Variants in GPC6 observed in about 807,000 individuals in gnomAD.
The protein encoded by GPC6 is glypican-6.
A neutral mutation model predicts 55.2 loss-of-function variants in GPC6; 14 were observed. The observed-to-expected ratio is 0.25, with a 90% confidence interval of 0.17 to 0.40. The LOEUF is 0.40. Ranked by LOEUF, GPC6 falls within the 10% of genes least tolerant of loss-of-function variation. The pLI is 1.00. For synonymous variants in GPC6, 278 were observed against 259.6 expected, an observed-to-expected ratio of 1.07 and a Z score of -0.68; for missense variants, 641 against 708.5, an observed-to-expected ratio of 0.90 and a Z score of 1.08.
intron 3 of GPC6, among the ~76,000 whole-genome samples, chr13:94,026,124 A>C (rs995242189): frequency 6.6e-5 from 10 of 152,202 alleles, no homozygotes; most frequent in Admixed American, 4.6e-4. Context: ...TGGAAAGAAA[A>C]TGCAAAAAAA....
chr13:94,224,456 C>A (rs1048565245), intron 4 of GPC6, among the ~76,000 whole-genome samples: 1 of 151,938 alleles, frequency 6.6e-6, no homozygotes, highest in Non-Finnish European at 1.5e-5. Context: ...GGGAATTAAA[C>A]CATGTCCATG....
At chr13:93,234,911 T>A (rs1193241977) in intron 1 of GPC6, among the ~76,000 whole-genome samples, 1 of 152,170 alleles carries the variant, frequency 6.6e-6, no homozygotes, top group Non-Finnish European at 1.5e-5. Context: ...TCAAATAGGA[T>A]CAGATGAATT....
In GPC6 at chr13:94,144,404, AACACACAC is replaced by A. The variant is rs59772537; in HGVS notation, c.877+116543_877+116550del. Among the ~76,000 whole-genome samples, 356 of 143,152 alleles carry A rather than the reference AACACACAC, an allele frequency of 2.5e-3. 3 individuals are homozygous for A. Among genetic ancestry groups the A allele is most frequent in the African/African-American group, 3.8e-3 (147 of 38,502 alleles). 93.9% of individuals were successfully genotyped at this position (143,152 alleles called of 152,430 possible). A position where few individuals can be genotyped will look rare whatever the true frequency, so the allele number is the denominator to read the frequency against. ...CTCTTTGCCTCTTAGGTGCTTTTAA[AACACACAC>A]ACACACACACACACACACACACACA... is the stretch of plus-strand genomic sequence containing the variant. On this transcript the variant is annotated intron_variant, in intron 4 of 8. Coordinates refer to ENST00000377047, the MANE Select transcript of GPC6 (RefSeq NM_005708.5).
intron 3 of GPC6, among the ~76,000 whole-genome samples, chr13:93,886,088 G>A (rs1168842855): frequency 6.6e-6 from 1 of 152,008 alleles, no homozygotes; most frequent in East Asian, 1.9e-4. Flanking sequence ...ATAAAATATT[G>A]AATTTAAGTA....
chr13:93,651,522 A>G (rs1880407517), intron 2 of GPC6, among the ~76,000 whole-genome samples: 1 of 152,136 alleles, frequency 6.6e-6, no homozygotes, highest in East Asian at 1.9e-4. Flanking sequence ...TCCTGCCTGC[A>G]AATACCTCCT....
At chr13:93,407,523 T>TA in intron 1 of GPC6, among the ~76,000 whole-genome samples, 1 of 152,294 alleles carries the variant, frequency 6.6e-6, no homozygotes, top group Non-Finnish European at 1.5e-5. Flanking sequence ...GCTGCATTTC[T>TA]AAAAAGGCAC....
At chr13:93,883,806 G>A (rs1397656949) in intron 3 of GPC6, among the ~76,000 whole-genome samples, 1 of 151,884 alleles carries the variant, frequency 6.6e-6, no homozygotes, top group African/African-American at 2.4e-5. Flanking sequence ...ATATAACTTG[G>A]CTCTCTATGA....
At chr13:94,333,110 A>C (rs1308612069) in intron 6 of GPC6, among the ~76,000 whole-genome samples, 1 of 152,150 alleles carries the variant, frequency 6.6e-6, no homozygotes, top group East Asian at 1.9e-4. Flanking sequence ...TACCCTCTTA[A>C]TATAGTGCTG....
chr13:93,437,091 G>T (rs935429747), intron 1 of GPC6, among the ~76,000 whole-genome samples: 1 of 152,058 alleles, frequency 6.6e-6, no homozygotes, highest in South Asian at 2.1e-4. Flanking sequence ...TATTGTAATT[G>T]TCTTGGAGCA....
intron 4 of GPC6, among the ~76,000 whole-genome samples, chr13:94,266,447 C>G (rs1360266982): frequency 1.3e-5 from 2 of 152,172 alleles, no homozygotes; most frequent in African/African-American, 4.8e-5. Flanking sequence ...GGATTACAGG[C>G]GTGAGCCACC....
chr13:93,373,965 T>C (rs1874780936), intron 1 of GPC6, among the ~76,000 whole-genome samples: 1 of 152,208 alleles, frequency 6.6e-6, no homozygotes, highest in Admixed American at 6.5e-5. Flanking sequence ...GAGCCCTGTA[T>C]AGTGATTTCT....
chr13:94,067,578 TATAGATAGATAG>T (rs5805846), intron 4 of GPC6, among the ~76,000 whole-genome samples: 4,025 of 147,668 alleles, frequency 0.027, 186 homozygotes, highest in African/African-American at 0.09. Flanking sequence ...ATAGATAGAT[TATAGATAGATAG>T]ATAGATAGAT....
rs1883707996 is a variant in GPC6 at position 94,045,721 on chromosome 13, A to G, written c.877+17827A>G. Among the ~76,000 whole-genome samples the G allele has an allele frequency of 4.0e-5, 6 of 150,122 alleles. No individual in the cohort carries two copies. In the South Asian group the frequency reaches 1.3e-3, roughly 32 times the overall value. ...CACTTGTTAGCAATATAGAAACCAG[A>G]GGCTTCCAGCATTCATGGATTTTCA... On this transcript the variant is annotated intron_variant, in intron 4 of 8. Coordinates refer to ENST00000377047, the MANE Select transcript of GPC6 (RefSeq NM_005708.5).
chr13:94,185,891 T>A (rs1889164768), intron 4 of GPC6, among the ~76,000 whole-genome samples: 1 of 151,610 alleles, frequency 6.6e-6, no homozygotes, highest in African/African-American at 2.4e-5. Context: ...AAACCCTGTC[T>A]CTACTAAAAA....
At position 93,337,534 on chromosome 13, in the gene GPC6, G is replaced by T. The variant is rs533495511; in HGVS notation, c.160+109918G>T. On this transcript the variant is annotated intron_variant, in intron 1 of 8. Coordinates refer to ENST00000377047, the MANE Select transcript of GPC6 (RefSeq NM_005708.5). ...AAAAAGAAAAAAATCAGAGGCACGA[G>T]ATATTCAATAATTTGTCTAAGGCCA... is the stretch of plus-strand genomic sequence containing the variant. 1.1e-4 allele frequency among the ~76,000 whole-genome samples: 16 copies of T among 152,088 alleles called. No individual in the cohort carries two copies. The South Asian group carries it at 1.5e-3, about 14-fold the overall frequency.
At chr13:93,963,332 G>T (rs1468082400) in intron 3 of GPC6, among the ~76,000 whole-genome samples, 3 of 151,908 alleles carry the variant, frequency 2.0e-5, no homozygotes, top group Non-Finnish European at 2.9e-5. Flanking sequence ...TTACTCATTT[G>T]TGATTACTGA....
intron 2 of GPC6, among the ~76,000 whole-genome samples, chr13:93,682,778 C>G (rs956299723): frequency 4.7e-5 from 7 of 149,384 alleles, no homozygotes; most frequent in African/African-American, 1.7e-4. Flanking sequence ...GAGGCTGGAG[C>G]TGGCAGACCT....
chr13:93,899,069 A>G (rs575820802), intron 3 of GPC6, among the ~76,000 whole-genome samples: 38 of 151,540 alleles, frequency 2.5e-4, no homozygotes, highest in Non-Finnish European at 4.7e-4. Context: ...AGACGTAAAA[A>G]TGTGCTTTAA....
chr13:93,548,478 A>G (rs1370495878), intron 2 of GPC6, among the ~76,000 whole-genome samples: 1 of 152,228 alleles, frequency 6.6e-6, no homozygotes, highest in East Asian at 1.9e-4. Context: ...TGTATGAGAA[A>G]TGCTTTGATT....
Sources: allele counts gnomAD v4.1 joint callset (sites outside exome capture counted in the v4.1 genomes callset), GRCh38; gene constraint gnomAD v4.1.1; transcripts MANE v1.5; gene names NCBI Gene and HGNC (gene_info 2026-07-23, HGNC 2026-07-21).